WDR41: variants seen among roughly 807,000 people sequenced by gnomAD.
The protein encoded by WDR41 is WD repeat-containing protein 41.
Under a neutral mutation model 69.3 loss-of-function variants are expected in WDR41, and 63 were observed. That is an observed-to-expected ratio of 0.91 (90% confidence interval 0.74 to 1.12). The LOEUF (loss-of-function observed/expected upper bound fraction) is 1.12, where lower values mean the gene tolerates loss of function less well. Ranked by LOEUF, WDR41 falls within the 50% of genes most tolerant of loss-of-function variation. WDR41 has a pLI of 0.00. For synonymous variants in WDR41, 185 were observed against 192.1 expected (o/e 0.96, Z 0.31); for missense variants, 543 against 534.5 (o/e 1.02, Z -0.16).
Position 77,492,242 on chromosome 5 carries a change from C to T in WDR41, c.-22G>A, listed in dbSNP as rs747694762. ...ACATCCGGGCAGCGGCGGCGTCTTG[C>T]CCGGTCCAGCCCCAGTCAGCCCAAA... On this transcript the variant is annotated 5_prime_UTR_variant, in exon 1 of 13. Transcript: ENST00000296679. 1.2e-6 allele frequency: 2 copies of T among 1,611,680 alleles called. No individual in the cohort carries two copies. Among genetic ancestry groups the T allele is most frequent in the South Asian group, 2.2e-5 (2 of 90,618 alleles).
Position 77,463,244 on chromosome 5 carries a change from A to T in WDR41, c.217-18T>A. The stretch of plus-strand genomic sequence containing the variant: ...TCCCCTGTCTGAAATACCAATAAAA[A>T]TGTTAATAGGCTTAGCTTTCACAAT... On this transcript the variant is annotated intron_variant, in intron 3 of 12. Coordinates refer to ENST00000296679, the MANE Select transcript of WDR41 (RefSeq NM_018268.4). 6.3e-7 allele frequency: 1 copy of T among 1,599,012 alleles called. No individual in the cohort carries two copies. Among genetic ancestry groups the T allele is most frequent in the Non-Finnish European group, 8.5e-7 (1 of 1,174,634 alleles).
At chr5:77,560,625 G>C (rs1455318307) in intron 1 of WDR41, among the ~76,000 whole-genome samples, 1 of 150,808 alleles carries the variant, frequency 6.6e-6, no homozygotes, top group Non-Finnish European at 1.5e-5. Flanking sequence ...TTGGCAAAAA[G>C]AAAAAAAAAG....
At chr5:77,458,072 G>A (rs3776882) in intron 5 of WDR41, among the ~76,000 whole-genome samples, 55,391 of 151,834 alleles carry the variant, frequency 0.36, 10,174 homozygotes, top group Admixed American at 0.39. Context: ...AGTTTTTCAG[G>A]TAGCAAGAAT....
chr5:77,475,437 G>A (rs578079341), intron 2 of WDR41, among the ~76,000 whole-genome samples: 5 of 152,354 alleles, frequency 3.3e-5, no homozygotes, highest in Non-Finnish European at 7.3e-5. Flanking sequence ...TAGCTTTGAA[G>A]AGAGCAGTGG....
At chr5:77,603,431 T>C (rs530833973) in intron 1 of WDR41, among the ~76,000 whole-genome samples, 1 of 152,360 alleles carries the variant, frequency 6.6e-6, no homozygotes, top group South Asian at 2.1e-4. Context: ...TTTTTGGTTT[T>C]TACTATTGAG....
At chr5:77,487,925 T>G (rs1446346418) in intron 2 of WDR41, among the ~76,000 whole-genome samples, 1 of 152,214 alleles carries the variant, frequency 6.6e-6, no homozygotes. Context: ...TGATACACAC[T>G]GATGTTCCAA....
At chr5:77,442,830 T>G (rs1799219301) in intron 8 of WDR41, among the ~76,000 whole-genome samples, 1 of 131,234 alleles carries the variant, frequency 7.6e-6, no homozygotes, top group Non-Finnish European at 1.5e-5. Context: ...AGGCGGAGCT[T>G]GCAGTAAGCC....
chr5:77,476,265 G>C (rs913018826), intron 2 of WDR41, among the ~76,000 whole-genome samples: 1 of 152,166 alleles, frequency 6.6e-6, no homozygotes, highest in Non-Finnish European at 1.5e-5. Flanking sequence ...TATTATACAG[G>C]AGAACTTCCC....
intron 8 of WDR41, among the ~76,000 whole-genome samples, chr5:77,447,264 T>A (rs145614068): frequency 6.6e-6 from 1 of 152,104 alleles, no homozygotes; most frequent in Non-Finnish European, 1.5e-5. Context: ...CAGGAAACCA[T>A]AGATGCTGAC....
At chr5:77,522,099 A>G (rs996307982) in intron 1 of WDR41, among the ~76,000 whole-genome samples, 1 of 152,220 alleles carries the variant, frequency 6.6e-6, no homozygotes, top group African/African-American at 2.4e-5. Context: ...TCAGAGGTGA[A>G]GTTAGGAAGG....
chr5:77,582,784 G>A lies in WDR41; in HGVS notation c.42+37695C>T, dbSNP rs189602555. 101 of 1,600,172 alleles carry A rather than the reference G, an allele frequency of 6.3e-5. No homozygotes were observed. The Admixed American group carries it at 1.6e-3, about 25-fold the overall frequency. ...TTCGATTAACATGCTGAGGATTGTA[G>A]AGCCATATATAGCATGGGGGTACCC... On this transcript the variant is annotated intron_variant, in intron 1 of 5. Transcript: ENST00000509971.
chr5:77,441,054 A>G (rs1799143280), intron 8 of WDR41, 57 bp from the exon 9 acceptor site: 1 of 1,565,362 alleles, frequency 6.4e-7, no homozygotes, highest in Admixed American at 1.8e-5. Flanking sequence ...TAAAGATATA[A>G]CTGAATGGAA....
At chr5:77,470,685 C>A (rs1023998561) in intron 2 of WDR41, among the ~76,000 whole-genome samples, 30 of 152,056 alleles carry the variant, frequency 2.0e-4, no homozygotes, top group African/African-American at 6.5e-4. Flanking sequence ...ACAAAGAAGG[C>A]CATTACATCA....
At chr5:77,575,120 T>C (rs979575490) in intron 1 of WDR41, among the ~76,000 whole-genome samples, 1 of 152,224 alleles carries the variant, frequency 6.6e-6, no homozygotes, top group African/African-American at 2.4e-5. Context: ...CTGAAACTTA[T>C]TTATAATGTA....
chr5:77,499,532 C>T (rs546505790), intron 1 of WDR41: 1 of 152,224 alleles, frequency 6.6e-6, no homozygotes, highest in Non-Finnish European at 1.5e-5. Context: ...GAGACTTCCT[C>T]TCCATTCGGT....
At position 77,460,259 on chromosome 5, in the gene WDR41, G is replaced by C. The variant is rs143154428; in HGVS notation, c.349-1135C>G. ...AAAAACTGTAAGTCAAACCACCCTA[G>C]GTTGGGGACCATCTATATTCTATGT... is the stretch of plus-strand genomic sequence containing the variant. On this transcript the variant is annotated intron_variant, in intron 4 of 12. Transcript: ENST00000296679. Among the ~76,000 whole-genome samples, 6 of 152,268 alleles carry C rather than the reference G, an allele frequency of 3.9e-5. No homozygotes were observed. In the South Asian group the frequency reaches 6.2e-4, roughly 16 times the overall value.
chr5:77,570,379 A>G (rs898357155), intron 1 of WDR41, among the ~76,000 whole-genome samples: 2 of 151,518 alleles, frequency 1.3e-5, no homozygotes, highest in African/African-American at 2.4e-5. Flanking sequence ...ACATGATTCA[A>G]TGGGAAGAAT....
chr5:77,610,125 T>C (rs1218351465), intron 1 of WDR41, among the ~76,000 whole-genome samples: 1 of 152,028 alleles, frequency 6.6e-6, no homozygotes, highest in Non-Finnish European at 1.5e-5. Context: ...TAAAAAGAAA[T>C]GAACAAAGCC....
At chr5:77,585,272 G>C (rs1275126219) in intron 1 of WDR41, among the ~76,000 whole-genome samples, 3 of 152,028 alleles carry the variant, frequency 2.0e-5, no homozygotes, top group African/African-American at 7.2e-5. Flanking sequence ...ACTACAATGC[G>C]ATATCACCTC....
Sources: allele counts gnomAD v4.1 joint callset (sites outside exome capture counted in the v4.1 genomes callset), GRCh38; gene constraint gnomAD v4.1.1; transcripts MANE v1.5; gene names NCBI Gene and HGNC (gene_info 2026-07-23, HGNC 2026-07-21).